KIR3DL2: variants seen among roughly 807,000 people sequenced by gnomAD.
KIR3DL2 encodes killer cell immunoglobulin like receptor, three Ig domains and long cytoplasmic tail 2, also known as killer cell immunoglobulin-like receptor 3DL2.
KIR3DL2 carries 42 observed loss-of-function variants against 41.6 expected under a neutral mutation model. That is an observed-to-expected ratio of 1.01 (90% CI 0.79 to 1.31). KIR3DL2 has a LOEUF of 1.31. Among genes scored for constraint, KIR3DL2 ranks in the 50% most tolerant of loss-of-function variants. The pLI is 0.00. For synonymous variants in KIR3DL2, 230 were observed against 221.3 expected (o/e 1.04, Z -0.35); for missense variants, 728 against 576.8 (o/e 1.26, Z -2.68).
rs527539057 is a variant in KIR3DL2, at chr19:54,851,384, A to G, written c.70+129A>G. 5.5e-5 allele frequency: 54 copies of G among 987,596 alleles called. No homozygotes were observed. The African/African-American group carries it at 7.8e-4, about 14-fold the overall frequency. The allele number at this position is 987,596 out of a possible 1,614,324, so 61.2% of individuals were successfully genotyped here. A position where few individuals can be genotyped will look rare whatever the true frequency, so the allele number is the denominator to read the frequency against. ...GGGGACCCTTGGATACTCGGCCCAC[A>G]TTTCTGACCTCGCCCTCCCTGGCCT... On this transcript the variant is annotated intron_variant, in intron 2 of 8. Transcript: ENST00000326321.
Position 54,852,146 on chromosome 19 carries a change from C to G in KIR3DL2, c.219C>G (p.Gly73=). ...EDRSHVPIFH[G]RIFQESFIMG... ...GAAGCCACGTTCCCATCTTCCACGG[C>G]AGAATATTCCAGGAGAGCTTCATCA... Residue 73 remains glycine, a synonymous_variant, in exon 3 of 9, where the codon GGC becomes GGG. Transcript: ENST00000326321. 6.2e-7 allele frequency: 1 copy of G among 1,613,064 alleles called. No individual in the cohort carries two copies. Among genetic ancestry groups the G allele is most frequent in the Non-Finnish European group, 8.5e-7 (1 of 1,179,656 alleles).
chr19:54,862,733 T>G (rs2065259785), intron 6 of KIR3DL2, among the ~76,000 whole-genome samples: 1 of 150,594 alleles, frequency 6.6e-6, no homozygotes, highest in South Asian at 2.1e-4. Context: ...ACGTTCCTCC[T>G]GATCTCAGGA....
intron 5 of KIR3DL2, among the ~76,000 whole-genome samples, chr19:54,857,020 T>A (rs1396529990): frequency 6.6e-6 from 1 of 152,016 alleles, no homozygotes; most frequent in Non-Finnish European, 1.5e-5. Flanking sequence ...ATCACTTCGA[T>A]ACACTGATGT....
intron 6 of KIR3DL2, among the ~76,000 whole-genome samples, chr19:54,862,405 C>G (rs2065238562): frequency 6.6e-6 from 1 of 152,072 alleles, no homozygotes; most frequent in African/African-American, 2.4e-5. Context: ...TGCACCTGGG[C>G]CTATGCCAAT....
chr19:54,866,472 T>C (rs760021326), intron 8 of KIR3DL2, 50 bp downstream of exon 8: 1 of 1,613,880 alleles, frequency 6.2e-7, no homozygotes, highest in Non-Finnish European at 8.5e-7. Context: ...TCCCTAATAG[T>C]CCTGAAAAAT....
At chr19:54,864,726 G>A (rs1178046929) in intron 6 of KIR3DL2, among the ~76,000 whole-genome samples, 1 of 152,048 alleles carries the variant, frequency 6.6e-6, no homozygotes, top group Non-Finnish European at 1.5e-5. Flanking sequence ...AGACTTTGTA[G>A]AAGCTGCTTA....
intron 5 of KIR3DL2, among the ~76,000 whole-genome samples, chr19:54,858,163 A>G (rs2064929719): frequency 6.6e-6 from 1 of 150,998 alleles, no homozygotes; most frequent in East Asian, 1.9e-4. Context: ...TGTAATCCTA[A>G]TGGTCTATTT....
chr19:54,866,856 C>G lies in KIR3DL2; in HGVS notation c.*125C>G. On this transcript the variant is annotated 3_prime_UTR_variant, in exon 9 of 9. Coordinates refer to ENST00000326321, the MANE Select transcript of KIR3DL2 (RefSeq NM_006737.4). ...TCACACCACGAATCTGAACATGCCT[C>G]TCTCTTGCTTACAAATGCCTAAGGT... 9.1e-7 allele frequency: 1 copy of G among 1,096,870 alleles called. No individual in the cohort carries two copies. The highest frequency in any genetic ancestry group is 1.5e-5 in the South Asian group (1 of 68,786). The allele number at this position is 1,096,870 out of a possible 1,614,324, so 67.9% of individuals were successfully genotyped here. A position where few individuals can be genotyped will look rare whatever the true frequency, so the allele number is the denominator to read the frequency against.
At chr19:54,860,573 C>A (rs2065098440) in intron 6 of KIR3DL2, among the ~76,000 whole-genome samples, 1 of 151,980 alleles carries the variant, frequency 6.6e-6, no homozygotes. Context: ...GGATGTTTCA[C>A]CATGTTGGCC....
In KIR3DL2 at chr19:54,853,826, G is replaced by A; in HGVS notation, c.435G>A (p.Trp145Ter). Residue 145 changes from tryptophan to a stop codon, truncating the protein, a stop_gained, in exon 4 of 9, where the codon TGG becomes TGA. Transcript: ENST00000326321. LOFTEE classifies it high-confidence loss of function. ...KSGETVILQC[W>*]SDVMFEHFFL... Reference sequence around the variant, plus strand: ...GAGAGACAGTCATCCTGCAATGTTGGTCAGATGTCATGTTTGAGCACTTCT... The same window carrying A: ...GAGAGACAGTCATCCTGCAATGTTGATCAGATGTCATGTTTGAGCACTTCT... The A allele has an allele frequency of 1.2e-6, 2 of 1,613,042 alleles. No individual in the cohort carries two copies. Among genetic ancestry groups the A allele is most frequent in the South Asian group, 2.2e-5 (2 of 91,080 alleles).
At chr19:54,863,905 G>A (rs1414062934) in intron 6 of KIR3DL2, among the ~76,000 whole-genome samples, 3 of 151,994 alleles carry the variant, frequency 2.0e-5, no homozygotes, top group African/African-American at 7.2e-5. Context: ...CGTTGCTTTT[G>A]GTGTTTTAGA....
intron 5 of KIR3DL2, among the ~76,000 whole-genome samples, chr19:54,856,123 C>T (rs1324275740): frequency 6.6e-6 from 1 of 151,314 alleles, no homozygotes; most frequent in Middle Eastern, 3.2e-3. Flanking sequence ...GCTCCAGGCA[C>T]CCAGGCAGAT....
At chr19:54,861,500 A>C (rs2065179717) in intron 6 of KIR3DL2, among the ~76,000 whole-genome samples, 1 of 145,210 alleles carries the variant, frequency 6.9e-6, no homozygotes, top group Non-Finnish European at 1.5e-5. Context: ...ACAAAAATTA[A>C]ACAGGCATGA....
At chr19:54,860,486 C>CA (rs2065092854) in intron 6 of KIR3DL2, among the ~76,000 whole-genome samples, 1 of 152,052 alleles carries the variant, frequency 6.6e-6, no homozygotes, top group South Asian at 2.1e-4. Context: ...TCTCCTCCCT[C>CA]AGCCTCTCCA....
intron 1 of KIR3DL2, among the ~76,000 whole-genome samples, 175 bp downstream of exon 1, chr19:54,850,684 G>A (rs1270746214): frequency 2.9e-5 from 4 of 139,144 alleles, no homozygotes; most frequent in African/African-American, 1.1e-4. Context: ...TGGGCCTGGA[G>A]GGGAGATATG....
intron 5 of KIR3DL2, among the ~76,000 whole-genome samples, chr19:54,856,975 G>A (rs1475013629): frequency 1.3e-5 from 2 of 152,128 alleles, no homozygotes; most frequent in African/African-American, 2.4e-5. Context: ...CTTGGCTACT[G>A]TGAACAGTGC....
At chr19:54,850,813 CCTGGAGTGGAGATATGGGT>C (rs1261464221) in intron 1 of KIR3DL2, among the ~76,000 whole-genome samples, 1 of 94,424 alleles carries the variant, frequency 1.1e-5, no homozygotes, top group Admixed American at 1.2e-4. Context: ...GAGATATGGG[CCTGGAGTGGAGATATGGGT>C]CTGATGTGGA....
chr19:54,866,276 ACCTACAGCCT>A, intron 7 of KIR3DL2, 84 bp from the exon 8 acceptor site: 1 of 1,287,140 alleles, frequency 7.8e-7, no homozygotes, highest in Non-Finnish European at 1.1e-6. Context: ...AGCCTCAGGC[ACCTACAGCCT>A]CCCCCTGTGG....
In KIR3DL2 at chr19:54,860,526, C is replaced by T. The variant is rs1482823173; in HGVS notation, c.1000+1397C>T. Among the ~76,000 whole-genome samples, 5 of 151,968 alleles carry T rather than the reference C, an allele frequency of 3.3e-5. 1 individual carries two copies. The highest frequency in any genetic ancestry group is 2.6e-4 in the Admixed American group (4 of 15,284). On this transcript the variant is annotated intron_variant, in intron 6 of 8. Transcript: ENST00000326321. ...CTGGGATTACAGACCACAACCACCA[C>T]GCCCGGCTAACTCTTTTTGCATATT...
Sources: allele counts gnomAD v4.1 joint callset (sites outside exome capture counted in the v4.1 genomes callset), GRCh38; gene constraint gnomAD v4.1.1; transcripts MANE v1.5; gene names NCBI Gene and HGNC (gene_info 2026-07-23, HGNC 2026-07-21).